The following MAGI2 variants were observed in gnomAD, a reference collection of about 807,000 sequenced individuals.
The protein encoded by MAGI2 is membrane-associated guanylate kinase, WW and PDZ domain-containing protein 2.
A neutral mutation model predicts 133.3 loss-of-function variants in MAGI2; 35 were observed. The observed-to-expected ratio is 0.26, with a 90% CI of 0.20 to 0.35. The LOEUF is 0.35. MAGI2 is among the 10% of genes least tolerant of loss of function. The pLI is 1.00. For synonymous variants in MAGI2, 729 were observed against 710.6 expected (o/e 1.03, Z -0.41); for missense variants, 1,636 against 1,863.4 (o/e 0.88, Z 2.25).
chr7:78,635,675 T>C (rs1223407368), intron 2 of MAGI2, among the ~76,000 whole-genome samples: 1 of 152,224 alleles, frequency 6.6e-6, no homozygotes, highest in Non-Finnish European at 1.5e-5. Context: ...AAAATAGATC[T>C]TGACAGCTAG....
chr7:79,127,312 C>T (rs1242359736), intron 1 of MAGI2, among the ~76,000 whole-genome samples: 1 of 152,082 alleles, frequency 6.6e-6, no homozygotes, highest in South Asian at 2.1e-4. Flanking sequence ...TGGATATATA[C>T]CCAGTAATGG....
Position 78,489,231 on chromosome 7 carries a change from A to G in MAGI2, c.1045+530T>C, listed in dbSNP as rs921800374. 3.3e-5 allele frequency among the ~76,000 whole-genome samples: 5 copies of G among 152,208 alleles called. 1 individual carries two copies. The highest frequency in any genetic ancestry group is 1.2e-4 in the African/African-American group (5 of 41,564). Reference sequence around the variant, plus strand: ...AAAACGGTCTATTTTAAAGCAGGTCAATATTAGAATATTGAGAACTGGAAA... The same window carrying G: ...AAAACGGTCTATTTTAAAGCAGGTCGATATTAGAATATTGAGAACTGGAAA... On this transcript the variant is annotated intron_variant, in intron 6 of 21. Transcript: ENST00000354212.
At chr7:78,765,345 T>TTTC in intron 2 of MAGI2, among the ~76,000 whole-genome samples, 1 of 135,170 alleles carries the variant, frequency 7.4e-6, no homozygotes, top group African/African-American at 2.9e-5. Context: ...GTGCACATCT[T>TTTC]TTTTTTTTTT....
intron 3 of MAGI2, among the ~76,000 whole-genome samples, chr7:78,540,463 A>T (rs2150666621): frequency 6.6e-6 from 1 of 152,298 alleles, no homozygotes; most frequent in East Asian, 1.9e-4. Flanking sequence ...ATATCCAGTC[A>T]GCCGGTGAGC....
chr7:78,421,112 C>A (rs1040708961), intron 6 of MAGI2, among the ~76,000 whole-genome samples: 1 of 152,156 alleles, frequency 6.6e-6, no homozygotes, highest in African/African-American at 2.4e-5. Context: ...TTGTTGCAAA[C>A]AATCACCTTG....
chr7:79,317,403 G>A (rs1838821075), intron 1 of MAGI2, among the ~76,000 whole-genome samples: 1 of 152,124 alleles, frequency 6.6e-6, no homozygotes, highest in Admixed American at 6.6e-5. Context: ...TGAAGTCAGA[G>A]TATATAATGC....
chr7:79,046,092 T>G (rs1320262828), intron 1 of MAGI2, among the ~76,000 whole-genome samples: 1 of 152,160 alleles, frequency 6.6e-6, no homozygotes, highest in South Asian at 2.1e-4. Flanking sequence ...ATAATTATAT[T>G]AAAACAATTT....
At chr7:78,810,053 T>C (rs944750286) in intron 2 of MAGI2, among the ~76,000 whole-genome samples, 1 of 152,212 alleles carries the variant, frequency 6.6e-6, no homozygotes, top group Non-Finnish European at 1.5e-5. Flanking sequence ...CCAAGAACCA[T>C]AGAAATGTTG....
In MAGI2 at chr7:78,215,130, C is replaced by T. The variant is rs531933620; in HGVS notation, c.2048-13937G>A. Among the ~76,000 whole-genome samples, 10 of 152,108 alleles carry T rather than the reference C, an allele frequency of 6.6e-5. No individual in the cohort carries two copies. The South Asian group carries it at 8.3e-4, about 13-fold the overall frequency. ...TGAGAGGAGGACTTGGGTGACTCTA[C>T]GAAGCATAAAGCGAAGAATGGGGAA... On this transcript the variant is annotated intron_variant, in intron 10 of 21. Coordinates refer to ENST00000354212, the MANE Select transcript of MAGI2 (RefSeq NM_012301.4).
intron 2 of MAGI2, among the ~76,000 whole-genome samples, chr7:78,803,113 T>A (rs958252403): frequency 5.9e-5 from 9 of 152,120 alleles, no homozygotes; most frequent in Admixed American, 5.2e-4. Flanking sequence ...GGACAGATAA[T>A]CTTCAATTTA....
At chr7:78,087,698 T>C (rs894741881) in intron 20 of MAGI2, among the ~76,000 whole-genome samples, 1 of 152,206 alleles carries the variant, frequency 6.6e-6, no homozygotes, top group Admixed American at 6.5e-5. Context: ...TTTTAGGACA[T>C]GAATGGTATT....
chr7:78,271,638 T>G (rs1452306650), intron 9 of MAGI2, among the ~76,000 whole-genome samples: 1 of 152,200 alleles, frequency 6.6e-6, no homozygotes, highest in Non-Finnish European at 1.5e-5. Flanking sequence ...CAGAACTTGG[T>G]ATTGGTCTAT....
At chr7:79,261,641 C>G (rs1834098758) in intron 1 of MAGI2, among the ~76,000 whole-genome samples, 1 of 152,094 alleles carries the variant, frequency 6.6e-6, no homozygotes. Flanking sequence ...TCCTCTATTC[C>G]CCTCCATTGC....
chr7:78,636,346 A>G (rs567339878), intron 2 of MAGI2, among the ~76,000 whole-genome samples: 1 of 142,816 alleles, frequency 7.0e-6, no homozygotes, highest in Non-Finnish European at 1.5e-5. Flanking sequence ...TCTTCCAAAA[A>G]CAGGCTTTTT....
intron 10 of MAGI2, among the ~76,000 whole-genome samples, chr7:78,236,977 T>G (rs1334461440): frequency 1.3e-5 from 2 of 152,094 alleles, no homozygotes; most frequent in Non-Finnish European, 2.9e-5. Context: ...CTCGTGAGAC[T>G]TACTATCACA....
chr7:78,929,547 T>A (rs1241859330), intron 2 of MAGI2, among the ~76,000 whole-genome samples: 1 of 152,036 alleles, frequency 6.6e-6, no homozygotes, highest in Non-Finnish European at 1.5e-5. Flanking sequence ...GCCTTTGCCT[T>A]TTCCAGCTTC....
At chr7:78,214,768 T>G (rs1054354021) in intron 10 of MAGI2, among the ~76,000 whole-genome samples, 3 of 152,176 alleles carry the variant, frequency 2.0e-5, no homozygotes, top group Non-Finnish European at 4.4e-5. Flanking sequence ...CATCAGAGGA[T>G]TACCCCTGCA....
intron 2 of MAGI2, among the ~76,000 whole-genome samples, chr7:78,899,933 A>C (rs1289303173): frequency 6.6e-6 from 1 of 152,196 alleles, no homozygotes; most frequent in Non-Finnish European, 1.5e-5. Flanking sequence ...CTCATCACTC[A>C]ACCCTTCAAT....
Position 78,135,103 on chromosome 7 carries a change from G to A in MAGI2, c.2949C>T (p.Ile983=). The A allele has an allele frequency of 5.0e-6, 8 of 1,614,126 alleles. No homozygotes were observed. The highest frequency in any genetic ancestry group is 6.8e-6 in the Non-Finnish European group (8 of 1,179,978). Reference sequence around the variant, plus strand: ...CGATGTCAGCGTGAGGCATGTTGATGATAGACTGGCCATTCACTGCTAGGA... The same window carrying A: ...CGATGTCAGCGTGAGGCATGTTGATAATAGACTGGCCATTCACTGCTAGGA... ...DRILAVNGQS[I]INMPHADIVK... is the part of the protein sequence containing the mutation. The change falls in exon 17 of 22, where the codon ATC becomes ATT. Residue 983 remains isoleucine, a synonymous_variant. Transcript: ENST00000354212.
Sources: allele counts gnomAD v4.1 joint callset (sites outside exome capture counted in the v4.1 genomes callset), GRCh38; gene constraint gnomAD v4.1.1; transcripts MANE v1.5; gene names NCBI Gene and HGNC (gene_info 2026-07-23, HGNC 2026-07-21).